The following TEAD1 variants were observed in gnomAD, a reference collection of about 807,000 sequenced individuals.
TEAD1 encodes the protein transcriptional enhancer factor TEF-1.
Under a neutral mutation model 54.9 loss-of-function variants are expected in TEAD1, and 9 were observed. That is an observed-to-expected ratio of 0.16 (90% CI 0.10 to 0.29). TEAD1 has a LOEUF of 0.29. TEAD1 is among the 10% of genes least tolerant of loss of function. The probability of loss-of-function intolerance (pLI) is 1.00; values close to 1 mark genes in which losing one functional copy is unlikely to be tolerated. For synonymous variants in TEAD1, 200 were observed against 187.8 expected, an observed-to-expected ratio of 1.07 and a Z score of -0.53; for missense variants, 387 against 535.9, an observed-to-expected ratio of 0.72 and a Z score of 2.74.
At chr11:12,915,853 A>G (rs974864764) in intron 10 of TEAD1, among the ~76,000 whole-genome samples, 8 of 152,218 alleles carry the variant, frequency 5.3e-5, no homozygotes, top group Non-Finnish European at 7.3e-5. Flanking sequence ...CAGAAAAAAG[A>G]ACAGATCCAT....
chr11:12,728,553 G>GCAGA (rs540306143), intron 2 of TEAD1, among the ~76,000 whole-genome samples: 50 of 152,134 alleles, frequency 3.3e-4, no homozygotes, highest in Non-Finnish European at 6.6e-4. Context: ...GAGTTGGCAG[G>GCAGA]CAGACAGTCA....
intron 2 of TEAD1, among the ~76,000 whole-genome samples, chr11:12,696,783 A>G (rs185538152): frequency 1.2e-3 from 180 of 152,218 alleles, no homozygotes; most frequent in African/African-American, 3.9e-3. Context: ...CCATTTGGTT[A>G]CATGTGCCTT....
chr11:12,838,080 A>G (rs1946944394), intron 3 of TEAD1, among the ~76,000 whole-genome samples: 1 of 152,244 alleles, frequency 6.6e-6, no homozygotes, highest in Non-Finnish European at 1.5e-5. Context: ...TACAGGTGTG[A>G]GCCACCGTGC....
At chr11:12,841,773 TG>T (rs1307349685) in intron 3 of TEAD1, among the ~76,000 whole-genome samples, 1 of 152,212 alleles carries the variant, frequency 6.6e-6, no homozygotes, top group Non-Finnish European at 1.5e-5. Flanking sequence ...GGGCTTATCG[TG>T]GTATCATAGC....
At chr11:12,732,611 C>T (rs1395187207) in intron 2 of TEAD1, among the ~76,000 whole-genome samples, 1 of 152,142 alleles carries the variant, frequency 6.6e-6, no homozygotes, top group African/African-American at 2.4e-5. Flanking sequence ...TGAGGGTACT[C>T]AGTTGACTGG....
At chr11:12,825,624 T>G (rs1402941084) in intron 3 of TEAD1, among the ~76,000 whole-genome samples, 1 of 152,210 alleles carries the variant, frequency 6.6e-6, no homozygotes, top group East Asian at 1.9e-4. Flanking sequence ...ACAATTTTAG[T>G]ATGCATCTTT....
At chr11:12,890,965 A>T (rs1273671094) in intron 9 of TEAD1, among the ~76,000 whole-genome samples, 1 of 152,058 alleles carries the variant, frequency 6.6e-6, no homozygotes, top group African/African-American at 2.4e-5. Context: ...AGGTTTTGTC[A>T]TGTTGGCCAG....
At chr11:12,935,441 A>ATTATTTATTTATTTATTTAT (rs372268851) in intron 12 of TEAD1, among the ~76,000 whole-genome samples, 4 of 149,550 alleles carry the variant, frequency 2.7e-5, no homozygotes, top group Non-Finnish European at 3.0e-5. Flanking sequence ...TCATTCAGCA[A>ATTATTTATTTATTTATTTAT]TTATTTATTT....
At chr11:12,772,441 G>A (rs2133936708) in intron 3 of TEAD1, among the ~76,000 whole-genome samples, 1 of 152,296 alleles carries the variant, frequency 6.6e-6, no homozygotes, top group Admixed American at 6.5e-5. Context: ...GGAGGATGGG[G>A]GGAGGGCCGA....
At chr11:12,891,569 C>A (rs1018281748) in intron 9 of TEAD1, among the ~76,000 whole-genome samples, 5 of 152,220 alleles carry the variant, frequency 3.3e-5, no homozygotes, top group African/African-American at 1.2e-4. Context: ...AGTCCTGGAA[C>A]AGAGGAGGAA....
chr11:12,786,320 C>T (rs78779581), intron 3 of TEAD1, among the ~76,000 whole-genome samples: 292 of 152,264 alleles, frequency 1.9e-3, no homozygotes, highest in African/African-American at 6.3e-3. Context: ...CATGGATCCT[C>T]AATGACAAAG....
chr11:12,854,903 G>A (rs899951999), intron 3 of TEAD1, among the ~76,000 whole-genome samples: 1 of 151,866 alleles, frequency 6.6e-6, no homozygotes, highest in Non-Finnish European at 1.5e-5. Context: ...GCTTGAGATG[G>A]CATCTTTTTA....
chr11:12,812,714 A>G (rs556604590), intron 3 of TEAD1, among the ~76,000 whole-genome samples: 2 of 152,334 alleles, frequency 1.3e-5, no homozygotes, highest in African/African-American at 2.4e-5. Context: ...CTCTTGGTAC[A>G]TGTGAATCCA....
intron 3 of TEAD1, among the ~76,000 whole-genome samples, chr11:12,790,767 T>C (rs1456475895): frequency 6.6e-6 from 1 of 152,230 alleles, no homozygotes; most frequent in Non-Finnish European, 1.5e-5. Flanking sequence ...CATGAAAAGA[T>C]ACTTAACATT....
At chr11:12,794,997 T>A (rs1243806551) in intron 3 of TEAD1, among the ~76,000 whole-genome samples, 1 of 152,192 alleles carries the variant, frequency 6.6e-6, no homozygotes, top group Non-Finnish European at 1.5e-5. Flanking sequence ...TGTCTTAGTT[T>A]CCTAGGGCTG....
At chr11:12,886,409 A>G (rs1383149987) in intron 9 of TEAD1, among the ~76,000 whole-genome samples, 2 of 152,214 alleles carry the variant, frequency 1.3e-5, no homozygotes, top group Non-Finnish European at 2.9e-5. Context: ...TTTGAGAAAG[A>G]TAGTTATATT....
At chr11:12,749,092 T>C (rs978654313) in intron 2 of TEAD1, among the ~76,000 whole-genome samples, 1 of 152,278 alleles carries the variant, frequency 6.6e-6, no homozygotes, top group East Asian at 1.9e-4. Flanking sequence ...GTGATGTTGA[T>C]GGTGTCAGGG....
At chr11:12,752,814 C>T (rs942345151) in intron 2 of TEAD1, among the ~76,000 whole-genome samples, 1 of 151,590 alleles carries the variant, frequency 6.6e-6, no homozygotes, top group Non-Finnish European at 1.5e-5. Flanking sequence ...GACAGTACAG[C>T]TGTATACCAT....
At chr11:12,932,579 G>T (rs558876704) in intron 12 of TEAD1, among the ~76,000 whole-genome samples, 2 of 152,296 alleles carry the variant, frequency 1.3e-5, no homozygotes, top group Admixed American at 6.5e-5. Context: ...CCTGACTACA[G>T]TTGTGCACTG....
Sources: allele counts gnomAD v4.1 joint callset (sites outside exome capture counted in the v4.1 genomes callset), GRCh38; gene constraint gnomAD v4.1.1; transcripts MANE v1.5; gene names NCBI Gene and HGNC (gene_info 2026-07-23, HGNC 2026-07-21).